BNC2: variants seen among roughly 807,000 people sequenced by gnomAD.
BNC2 encodes the protein basonuclin zinc finger protein 2, also known as zinc finger protein basonuclin-2.
BNC2 carries 20 observed loss-of-function variants against 76.3 expected under a neutral mutation model. The ratio of observed to expected loss-of-function variants is 0.26; its 90% CI spans 0.18 to 0.38. The LOEUF is 0.38. BNC2 is among the 10% of genes least tolerant of loss of function. The probability of loss-of-function intolerance (pLI) is 1.00; values close to 1 mark genes in which losing one functional copy is unlikely to be tolerated. For missense variants in BNC2, 1,382 were observed against 1,399.8 expected (o/e 0.99, Z 0.20); for synonymous variants, 582 against 514.8 (o/e 1.13, Z -1.77).
Position 16,410,027 on chromosome 9 carries a change from G to A in BNC2, c.*8962C>T, listed in dbSNP as rs1820428456. 1 of 152,208 alleles carries A rather than the reference G, an allele frequency of 6.6e-6. No homozygotes were observed. The highest frequency in any genetic ancestry group is 1.5e-5 in the Non-Finnish European group (1 of 68,032). The allele number at this position is 152,208 out of a possible 1,614,324, so 9.4% of individuals were successfully genotyped here. On this transcript the variant is annotated 3_prime_UTR_variant, in exon 7 of 7. Transcript: ENST00000380672. ...ATTTCAACTCCCTCTGGCCACTTTT[G>A]CTGTCAAATATGGAGGCTGAGTCCA...
At chr9:16,778,450 C>CA (rs1826030032) in intron 1 of BNC2, among the ~76,000 whole-genome samples, 3 of 151,914 alleles carry the variant, frequency 2.0e-5, no homozygotes, top group South Asian at 2.1e-4. Flanking sequence ...TCTTTTCAGC[C>CA]AAAAAAACAT....
chr9:16,822,095 A>AT (rs1818350692), intron 1 of BNC2, among the ~76,000 whole-genome samples: 1 of 147,154 alleles, frequency 6.8e-6, no homozygotes, highest in South Asian at 2.1e-4. Context: ...TCCATCTCAA[A>AT]AAAAAAAAAA....
At chr9:16,506,477 G>T (rs867735900) in intron 5 of BNC2, among the ~76,000 whole-genome samples, 2 of 140,886 alleles carry the variant, frequency 1.4e-5, no homozygotes, top group African/African-American at 5.4e-5. Flanking sequence ...ACCCTTACTG[G>T]ATCAGATAAA....
intron 1 of BNC2, among the ~76,000 whole-genome samples, chr9:16,795,643 G>A (rs1817627632): frequency 6.6e-6 from 1 of 152,278 alleles, no homozygotes; most frequent in Non-Finnish European, 1.5e-5. Flanking sequence ...CTGCTCCAGA[G>A]AGGATATCAT....
intron 1 of BNC2, among the ~76,000 whole-genome samples, chr9:16,808,051 G>T (rs1005633715): frequency 6.6e-6 from 1 of 152,184 alleles, no homozygotes; most frequent in African/African-American, 2.4e-5. Flanking sequence ...GCAAAAAGGA[G>T]GTGGGCCATA....
At position 16,477,980 on chromosome 9, in the gene BNC2, C is replaced by T. The variant is rs60918910; in HGVS notation, c.670-40456G>A. Among the ~76,000 whole-genome samples, 791 of 152,134 alleles carry T rather than the reference C, an allele frequency of 5.2e-3. 9 individuals are homozygous for T. Among genetic ancestry groups the T allele is most frequent in the African/African-American group, 0.018 (732 of 41,488 alleles). On this transcript the variant is annotated intron_variant, in intron 5 of 6. Coordinates refer to ENST00000380672, the MANE Select transcript of BNC2 (RefSeq NM_017637.6). ...ATTTCTCCTTAGAAAAAGACTTGAG[C>T]GGGCCCCTGCATCTTTCCATATCCT...
intron 4 of BNC2, among the ~76,000 whole-genome samples, chr9:16,561,931 G>A (rs147962705): frequency 6.6e-6 from 1 of 152,214 alleles, no homozygotes; most frequent in East Asian, 1.9e-4. Context: ...TTGAGCCCAC[G>A]GAGGTCGAAG....
intron 3 of BNC2, among the ~76,000 whole-genome samples, chr9:16,665,386 A>AAAAGAGAGAGAGAGAG (rs1554702315): frequency 1.2e-5 from 1 of 84,302 alleles, no homozygotes; most frequent in African/African-American, 4.9e-5. Context: ...AAAAAAAAAA[A>AAAAGAGAGAGAGAGAG]AGAGAGAGAG....
intron 4 of BNC2, among the ~76,000 whole-genome samples, chr9:16,576,393 G>A (rs1434159282): frequency 2.6e-5 from 4 of 152,122 alleles, no homozygotes; most frequent in African/African-American, 4.8e-5. Flanking sequence ...ATTTCTATGC[G>A]GAGTGGGAAG....
chr9:16,594,658 T>C (rs1444366506), intron 3 of BNC2, among the ~76,000 whole-genome samples: 1 of 152,188 alleles, frequency 6.6e-6, no homozygotes, highest in South Asian at 2.1e-4. Context: ...CCCATGTTTG[T>C]ACAGTGCTAT....
intron 6 of BNC2, among the ~76,000 whole-genome samples, chr9:16,431,851 A>G (rs749783040): frequency 6.6e-6 from 1 of 152,128 alleles, no homozygotes; most frequent in Non-Finnish European, 1.5e-5. Context: ...CACATTTCAC[A>G]ATAGGGTTTG....
chr9:16,671,120 C>A (rs150973778), intron 3 of BNC2, among the ~76,000 whole-genome samples: 2 of 152,098 alleles, frequency 1.3e-5, no homozygotes, highest in African/African-American at 2.4e-5. Context: ...AGTTGTGGCA[C>A]TGATCATCTC....
At chr9:16,598,554 C>G (rs897846092) in intron 3 of BNC2, among the ~76,000 whole-genome samples, 1 of 152,258 alleles carries the variant, frequency 6.6e-6, no homozygotes, top group Admixed American at 6.5e-5. Context: ...ATGAACTCAC[C>G]ACTACGGGGA....
chr9:16,813,487 G>C (rs186613423), intron 1 of BNC2, among the ~76,000 whole-genome samples: 1 of 151,850 alleles, frequency 6.6e-6, no homozygotes, highest in Non-Finnish European at 1.5e-5. Context: ...GGATGGACTC[G>C]ATCGCCTGAC....
chr9:16,454,486 C>A (rs759674196), intron 5 of BNC2, among the ~76,000 whole-genome samples: 30 of 152,020 alleles, frequency 2.0e-4, no homozygotes, highest in Non-Finnish European at 3.7e-4. Context: ...TTTAGTTGTA[C>A]AGAGATGGGA....
intron 1 of BNC2, among the ~76,000 whole-genome samples, chr9:16,795,428 C>A (rs1464500006): frequency 6.6e-6 from 1 of 150,748 alleles, no homozygotes; most frequent in Admixed American, 6.6e-5. Context: ...ATTGCAATAC[C>A]GGAAACATTG....
chr9:16,728,279 T>A (rs757554709), intron 2 of BNC2: 65 of 500,418 alleles, frequency 1.3e-4, no homozygotes, highest in South Asian at 1.8e-4. Flanking sequence ...AGCCACTGCA[T>A]GTCATTGGAT....
intron 1 of BNC2, among the ~76,000 whole-genome samples, chr9:16,836,316 T>C (rs908160388): frequency 2.6e-5 from 4 of 152,176 alleles, no homozygotes; most frequent in African/African-American, 9.7e-5. Flanking sequence ...AGGTCGTTTT[T>C]TTAGGGTATA....
At chr9:16,816,290 AC>A (rs1235680150) in intron 1 of BNC2, among the ~76,000 whole-genome samples, 2 of 152,006 alleles carry the variant, frequency 1.3e-5, no homozygotes, top group East Asian at 1.9e-4. Flanking sequence ...ATTCTGATGA[AC>A]CCTCTTTCCT....
Sources: gnomAD v4.1 joint callset for allele counts (sites outside exome capture counted in the v4.1 genomes callset) on GRCh38, gnomAD v4.1.1 for gene constraint, MANE v1.5 for transcripts, NCBI Gene and HGNC (gene_info 2026-07-23, HGNC 2026-07-21) for gene names.